SYT16: variants seen among roughly 807,000 people sequenced by gnomAD.
The protein encoded by SYT16 is synaptotagmin-16.
Under a neutral mutation model 61.4 loss-of-function variants are expected in SYT16, and 42 were observed. That is an observed-to-expected ratio of 0.68 (90% CI 0.53 to 0.89). SYT16 has a LOEUF of 0.89. Among genes scored for constraint, SYT16 ranks in the 40% least tolerant of loss-of-function variants. The probability of loss-of-function intolerance (pLI) is 0.00; values close to 1 mark genes in which losing one functional copy is unlikely to be tolerated. For missense variants in SYT16, 804 were observed against 807.3 expected (o/e 1.00, Z 0.05); for synonymous variants, 314 against 302.3 (o/e 1.04, Z -0.40).
intron 1 of SYT16, among the ~76,000 whole-genome samples, chr14:61,912,988 A>G (rs372764890): frequency 7.9e-5 from 12 of 152,132 alleles, no homozygotes; most frequent in African/African-American, 1.7e-4. Context: ...GATGAATTCT[A>G]TTAGAGAATC....
At chr14:62,001,504 CTT>C (rs895320097) in intron 3 of SYT16, among the ~76,000 whole-genome samples, 200 of 152,076 alleles carry the variant, frequency 1.3e-3, no homozygotes, top group African/African-American at 4.5e-3. Flanking sequence ...AAGATTTTGT[CTT>C]TATCTTTGGA....
chr14:61,899,572 T>C (rs541149098), intron 1 of SYT16, among the ~76,000 whole-genome samples: 1 of 152,320 alleles, frequency 6.6e-6, no homozygotes, highest in East Asian at 1.9e-4. Context: ...AGAATGCCTT[T>C]GTCTAGTTTC....
chr14:61,814,148 A>G (rs1283299760), intron 1 of SYT16, among the ~76,000 whole-genome samples: 1 of 152,172 alleles, frequency 6.6e-6, no homozygotes, highest in African/African-American at 2.4e-5. Flanking sequence ...GTGTGGGGAT[A>G]CCAACATGCT....
At chr14:61,980,400 C>T (rs1218955876) in intron 2 of SYT16, among the ~76,000 whole-genome samples, 1 of 152,138 alleles carries the variant, frequency 6.6e-6, no homozygotes, top group African/African-American at 2.4e-5. Context: ...TGATATATCT[C>T]ATGGCAATGC....
chr14:61,995,283 A>C (rs542083602), intron 2 of SYT16, among the ~76,000 whole-genome samples: 4 of 152,074 alleles, frequency 2.6e-5, no homozygotes, highest in Non-Finnish European at 5.9e-5. Flanking sequence ...AAGCAATGAG[A>C]TTCCAGGGAC....
At chr14:62,013,534 T>C (rs574820976) in intron 3 of SYT16, among the ~76,000 whole-genome samples, 4 of 152,200 alleles carry the variant, frequency 2.6e-5, no homozygotes, top group Non-Finnish European at 5.9e-5. Context: ...TGATTTGGCT[T>C]CTCTTCTGTC....
At chr14:61,894,307 AG>A (rs970518643) in intron 1 of SYT16, among the ~76,000 whole-genome samples, 9 of 150,908 alleles carry the variant, frequency 6.0e-5, no homozygotes, top group African/African-American at 1.9e-4. Context: ...AAAAAAAAAA[AG>A]CCTGTTCATT....
chr14:62,016,103 T>C lies in SYT16; in HGVS notation c.523+19561T>C, dbSNP rs560290197. ...ATAGTGAAACCATTTACAGTGTCTC[T>C]TGATGTGTTCTGGCAACACCTCCTG... On this transcript the variant is annotated intron_variant, in intron 3 of 7. Transcript: ENST00000683842. Among the ~76,000 whole-genome samples, 113 of 152,328 alleles carry C rather than the reference T, an allele frequency of 7.4e-4. 1 individual carries two copies. The highest frequency in any genetic ancestry group is 2.9e-3 in the South Asian group (14 of 4,828).
Position 62,100,905 on chromosome 14 carries a change from A to G in SYT16, c.*198A>G. The G allele has an allele frequency of 1.7e-6, 1 of 575,196 alleles. No homozygotes were observed. Among genetic ancestry groups the G allele is most frequent in the Non-Finnish European group, 3.0e-6 (1 of 328,972 alleles). 35.6% of individuals were successfully genotyped at this position (575,196 alleles called of 1,614,324 possible). A position where few individuals can be genotyped will look rare whatever the true frequency, so the allele number is the denominator to read the frequency against. On this transcript the variant is annotated 3_prime_UTR_variant, in exon 8 of 8. Coordinates refer to ENST00000683842, the MANE Select transcript of SYT16 (RefSeq NM_001367656.1). ...ATTGTAATTTTAAAAACACACATAC[A>G]CAGTGAAGTGTCCGTATGGAAAATA...
At chr14:61,863,307 T>G (rs181426794) in intron 1 of SYT16, among the ~76,000 whole-genome samples, 1 of 152,368 alleles carries the variant, frequency 6.6e-6, no homozygotes, top group African/African-American at 2.4e-5. Context: ...TTCTGGATTT[T>G]GGCTATTCTT....
At chr14:62,005,346 C>T (rs1480197593) in intron 3 of SYT16, among the ~76,000 whole-genome samples, 5 of 152,100 alleles carry the variant, frequency 3.3e-5, no homozygotes, top group Non-Finnish European at 7.4e-5. Flanking sequence ...CCAGCTTCTT[C>T]AGCTTCAGGT....
intron 1 of SYT16, among the ~76,000 whole-genome samples, chr14:61,836,618 T>G (rs1275735517): frequency 6.6e-6 from 1 of 152,234 alleles, no homozygotes; most frequent in African/African-American, 2.4e-5. Context: ...ATTCTATTTG[T>G]TTCCTTGTCT....
chr14:61,944,416 A>G (rs1214945438), intron 1 of SYT16, among the ~76,000 whole-genome samples: 1 of 152,226 alleles, frequency 6.6e-6, no homozygotes, highest in African/African-American at 2.4e-5. Flanking sequence ...AAAAGAGCCC[A>G]TATAGCCAAG....
intron 1 of SYT16, among the ~76,000 whole-genome samples, chr14:61,899,313 G>A (rs1348119703): frequency 6.6e-6 from 1 of 152,174 alleles, no homozygotes; most frequent in Non-Finnish European, 1.5e-5. Flanking sequence ...AGGGCCCTAG[G>A]AGAGGCTGCT....
At chr14:62,022,147 C>T (rs1214133696) in intron 3 of SYT16, among the ~76,000 whole-genome samples, 1 of 151,806 alleles carries the variant, frequency 6.6e-6, no homozygotes, top group African/African-American at 2.4e-5. Flanking sequence ...ACTCAATCTT[C>T]CCTTCTACAT....
chr14:62,081,869 T>C (rs10137435), intron 6 of SYT16, among the ~76,000 whole-genome samples: 27,130 of 152,130 alleles, frequency 0.18, 2,652 homozygotes, highest in African/African-American at 0.23. Context: ...CAAAACCACG[T>C]TAACAGATCA....
intron 3 of SYT16, among the ~76,000 whole-genome samples, chr14:62,004,583 G>A (rs1361301696): frequency 6.6e-6 from 1 of 152,132 alleles, no homozygotes; most frequent in Non-Finnish European, 1.5e-5. Flanking sequence ...GAATATTGGA[G>A]AACTATTATA....
intron 1 of SYT16, among the ~76,000 whole-genome samples, chr14:61,953,414 A>G (rs541389413): frequency 1.3e-5 from 2 of 152,044 alleles, no homozygotes; most frequent in Non-Finnish European, 1.5e-5. Context: ...CAACCTCCAT[A>G]TAATGCCTGC....
At chr14:62,007,919 T>TA (rs904405611) in intron 3 of SYT16, among the ~76,000 whole-genome samples, 6 of 151,348 alleles carry the variant, frequency 4.0e-5, no homozygotes, top group South Asian at 2.1e-4. Flanking sequence ...AATTTTTTTT[T>TA]AAAAAAGCTC....
Sources: gnomAD v4.1 joint callset for allele counts (sites outside exome capture counted in the v4.1 genomes callset) on GRCh38, gnomAD v4.1.1 for gene constraint, MANE v1.5 for transcripts, NCBI Gene and HGNC (gene_info 2026-07-23, HGNC 2026-07-21) for gene names.